Variants in XRCC4 observed in about 807,000 individuals in gnomAD.
The protein encoded by XRCC4 is DNA repair protein XRCC4.
XRCC4 carries 28 observed loss-of-function variants against 39.1 expected under a neutral mutation model. That is an observed-to-expected ratio of 0.72 (90% CI 0.53 to 0.98). The LOEUF (loss-of-function observed/expected upper bound fraction) is 0.98. Ranked by LOEUF, XRCC4 falls within the 50% of genes least tolerant of loss-of-function variation. The pLI, the probability that XRCC4 is intolerant of heterozygous loss-of-function variation, is 0.00. For missense variants in XRCC4, 350 were observed against 376.4 expected (o/e 0.93, Z 0.58); for synonymous variants, 123 against 126.4 (o/e 0.97, Z 0.18).
At chr5:83,118,945 A>G (rs557989422) in intron 3 of XRCC4, among the ~76,000 whole-genome samples, 1 of 152,300 alleles carries the variant, frequency 6.6e-6, no homozygotes, top group South Asian at 2.1e-4. Context: ...TTAAAGGATA[A>G]AGTAAGTATC....
At chr5:83,174,356 C>T (rs1749859012) in intron 3 of XRCC4, among the ~76,000 whole-genome samples, 1 of 152,010 alleles carries the variant, frequency 6.6e-6, no homozygotes. Flanking sequence ...TTTGAAGAGT[C>T]GTTTTGTATC....
At chr5:83,261,271 T>C (rs1215413042) in intron 7 of XRCC4, among the ~76,000 whole-genome samples, 1 of 152,068 alleles carries the variant, frequency 6.6e-6, no homozygotes, top group Non-Finnish European at 1.5e-5. Context: ...GTTTTAAAAT[T>C]AAAACTGCTA....
At chr5:83,110,968 A>G (rs927447258) in intron 2 of XRCC4, 60 bp from the exon 3 acceptor site, 4 of 1,476,944 alleles carry the variant, frequency 2.7e-6, no homozygotes, top group Admixed American at 2.4e-5. Flanking sequence ...ATAAACTAAT[A>G]TTTTCTCATG....
At chr5:83,323,955 A>G (rs139681307) in intron 7 of XRCC4, among the ~76,000 whole-genome samples, 12 of 152,224 alleles carry the variant, frequency 7.9e-5, no homozygotes, top group African/African-American at 2.4e-4. Context: ...TCCAGAGATG[A>G]TAGGATAAGT....
chr5:83,140,662 T>C (rs1288622170), intron 3 of XRCC4, among the ~76,000 whole-genome samples: 1 of 152,202 alleles, frequency 6.6e-6, no homozygotes, highest in Non-Finnish European at 1.5e-5. Context: ...GAAAAACAAA[T>C]TTTTAAAATA....
chr5:83,305,174 C>G (rs1755436310), intron 7 of XRCC4, among the ~76,000 whole-genome samples: 1 of 151,954 alleles, frequency 6.6e-6, no homozygotes, highest in South Asian at 2.1e-4. Flanking sequence ...TCCCATATAC[C>G]TCATACTCAG....
the XRCC4 span, among the ~76,000 whole-genome samples, chr5:83,363,807 A>G: frequency 6.6e-6 from 1 of 152,120 alleles, no homozygotes; most frequent in East Asian, 1.9e-4. Flanking sequence ...AACATTCCCA[A>G]CCCTGCTTTG....
intron 3 of XRCC4, among the ~76,000 whole-genome samples, chr5:83,143,430 T>C (rs573467088): frequency 1.3e-5 from 2 of 152,244 alleles, no homozygotes; most frequent in South Asian, 4.1e-4. Context: ...ATATATAAAA[T>C]TATGTAACAA....
intron 3 of XRCC4, among the ~76,000 whole-genome samples, chr5:83,189,053 A>G (rs1750578711): frequency 6.6e-6 from 1 of 152,194 alleles, no homozygotes; most frequent in Non-Finnish European, 1.5e-5. Context: ...CAATCCGGTT[A>G]TTATAGGGAA....
chr5:83,350,106 T>C (rs1307926026), intron 7 of XRCC4, among the ~76,000 whole-genome samples: 1 of 152,194 alleles, frequency 6.6e-6, no homozygotes, highest in Non-Finnish European at 1.5e-5. Flanking sequence ...TTCTTTTTGG[T>C]GGCTGTGTAG....
At chr5:83,316,759 C>CT (rs1309923872) in intron 7 of XRCC4, among the ~76,000 whole-genome samples, 2 of 134,780 alleles carry the variant, frequency 1.5e-5, no homozygotes, top group Admixed American at 1.6e-4. Flanking sequence ...TAATGGGAGA[C>CT]TTTAACACCC....
At chr5:83,195,685 C>T in intron 3 of XRCC4, 85 bp from the exon 4 acceptor site, 6 of 1,256,078 alleles carry the variant, frequency 4.8e-6, no homozygotes, top group Non-Finnish European at 6.4e-6. Flanking sequence ...CTTTTTTATT[C>T]TCAGAAGAAA....
At chr5:83,135,394 T>G (rs931575314) in intron 3 of XRCC4, among the ~76,000 whole-genome samples, 5 of 151,880 alleles carry the variant, frequency 3.3e-5, no homozygotes, top group African/African-American at 1.2e-4. Flanking sequence ...AGTATGCCTT[T>G]TTTTTTTTTC....
chr5:83,170,678 A>G (rs1169810964), intron 3 of XRCC4, among the ~76,000 whole-genome samples: 1 of 152,122 alleles, frequency 6.6e-6, no homozygotes, highest in Non-Finnish European at 1.5e-5. Context: ...CTCATGAAGA[A>G]CCCAGTCCCC....
At chr5:83,099,472 T>G (rs1331193279) in intron 1 of XRCC4, among the ~76,000 whole-genome samples, 1 of 152,170 alleles carries the variant, frequency 6.6e-6, no homozygotes, top group African/African-American at 2.4e-5. Flanking sequence ...GTAAACTAAT[T>G]TAAAAAGTGT....
intron 7 of XRCC4, among the ~76,000 whole-genome samples, chr5:83,338,140 G>A (rs774657553): frequency 6.6e-6 from 1 of 152,188 alleles, no homozygotes; most frequent in African/African-American, 2.4e-5. Flanking sequence ...TAGTCAAGAA[G>A]CTAGAAGTTG....
intron 6 of XRCC4, among the ~76,000 whole-genome samples, chr5:83,229,723 C>T (rs1243999758): frequency 2.1e-5 from 3 of 142,438 alleles, no homozygotes; most frequent in Admixed American, 7.1e-5. Context: ...TGGAAAACAC[C>T]GAGTTAATAA....
At position 83,145,296 on chromosome 5, in the gene XRCC4, CTG is replaced by C. The variant is rs558468247; in HGVS notation, c.315+34096_315+34097del. On this transcript the variant is annotated intron_variant, in intron 3 of 7. Transcript: ENST00000396027. ...ATAAACTTATGTCAGTTTCCATTGA[CTG>C]TGGCTTTTCTTCAGTGTGTTATTTC... 2.0e-3 allele frequency among the ~76,000 whole-genome samples: 312 copies of C among 152,310 alleles called. 1 individual carries two copies. The highest frequency in any genetic ancestry group is 7.2e-3 in the African/African-American group (301 of 41,572).
chr5:83,252,309 T>A (rs189345247), intron 6 of XRCC4, among the ~76,000 whole-genome samples: 5 of 152,338 alleles, frequency 3.3e-5, no homozygotes, highest in African/African-American at 1.2e-4. Flanking sequence ...AGGACTTATT[T>A]ATTCTAAATA....
Sources: allele counts gnomAD v4.1 joint callset (sites outside exome capture counted in the v4.1 genomes callset), GRCh38; gene constraint gnomAD v4.1.1; transcripts MANE v1.5; gene names NCBI Gene and HGNC (gene_info 2026-07-23, HGNC 2026-07-21).